Variants in ERCC6L2 observed in about 807,000 individuals in gnomAD.
The protein encoded by ERCC6L2 is DNA excision repair protein ERCC-6-like 2.
Under a neutral mutation model 132.0 loss-of-function variants are expected in ERCC6L2, and 77 were observed. That is an observed-to-expected ratio of 0.58 (90% CI 0.49 to 0.71). The LOEUF (loss-of-function observed/expected upper bound fraction) is 0.71, where lower values mean the gene tolerates loss of function less well. Ranked by LOEUF, ERCC6L2 falls within the 30% of genes least tolerant of loss-of-function variation. ERCC6L2 has a pLI of 0.00. For synonymous variants in ERCC6L2, 583 were observed against 632.4 expected (o/e 0.92, Z 1.17); for missense variants, 1,542 against 1,837.6 (o/e 0.84, Z 2.94).
intron 17 of ERCC6L2, among the ~76,000 whole-genome samples, chr9:95,979,922 T>C (rs1343828259): frequency 6.6e-6 from 1 of 152,158 alleles, no homozygotes; most frequent in Admixed American, 6.5e-5. Context: ...TAAAACCATG[T>C]CCTTCTCCAT....
intron 17 of ERCC6L2, among the ~76,000 whole-genome samples, chr9:95,990,292 A>T (rs534479127): frequency 6.6e-6 from 1 of 152,282 alleles, no homozygotes; most frequent in East Asian, 1.9e-4. Flanking sequence ...GGTGAAGCCC[A>T]CTCTTGATTA....
At chr9:95,940,282 G>A (rs1263791572) in intron 11 of ERCC6L2, among the ~76,000 whole-genome samples, 2 of 152,080 alleles carry the variant, frequency 1.3e-5, no homozygotes, top group Non-Finnish European at 2.9e-5. Flanking sequence ...ACATTTTTCT[G>A]CCTTTCAAGG....
chr9:95,990,435 C>T (rs1356954769), intron 17 of ERCC6L2, among the ~76,000 whole-genome samples: 1 of 152,148 alleles, frequency 6.6e-6, no homozygotes, highest in Non-Finnish European at 1.5e-5. Context: ...GAGGGGGGGT[C>T]CATCTTTTCA....
At chr9:96,020,615 G>A (rs965539250), downstream of ERCC6L2, 1 of 377,820 alleles carries the variant, frequency 2.6e-6, no homozygotes. Context: ...CCCCTAGGTG[G>A]ACGCTAAGGG....
chr9:96,040,813 G>A (rs1402038788), intron 20 of ERCC6L2, among the ~76,000 whole-genome samples: 8 of 152,328 alleles, frequency 5.3e-5, no homozygotes, highest in South Asian at 2.1e-4. Flanking sequence ...GCGTGCCCTC[G>A]GCCATCAGTT....
chr9:95,993,198 C>G (rs370629700), intron 17 of ERCC6L2, among the ~76,000 whole-genome samples: 1 of 152,166 alleles, frequency 6.6e-6, no homozygotes. Context: ...CAGAAAGGTA[C>G]AGAATCTCCC....
At chr9:95,995,303 C>G (rs1833435056) in intron 17 of ERCC6L2, among the ~76,000 whole-genome samples, 1 of 152,164 alleles carries the variant, frequency 6.6e-6, no homozygotes, top group Non-Finnish European at 1.5e-5. Flanking sequence ...ACAGAATACA[C>G]TTTTGGTTCA....
chr9:95,879,278 A>G (rs1587831199), intron 1 of ERCC6L2, among the ~76,000 whole-genome samples: 1 of 152,226 alleles, frequency 6.6e-6, no homozygotes, highest in South Asian at 2.1e-4. Context: ...ATGCAGGAAG[A>G]CTATTAGTCA....
At chr9:95,990,046 A>G (rs1190978750) in intron 17 of ERCC6L2, among the ~76,000 whole-genome samples, 2 of 152,348 alleles carry the variant, frequency 1.3e-5, no homozygotes. Flanking sequence ...GGTTAAGAAC[A>G]AGTCATGAAG....
At chr9:95,988,144 A>G (rs941393895) in intron 17 of ERCC6L2, among the ~76,000 whole-genome samples, 1 of 152,256 alleles carries the variant, frequency 6.6e-6, no homozygotes, top group African/African-American at 2.4e-5. Flanking sequence ...GGTCTCTGAC[A>G]TACCCTGGAG....
chr9:95,888,532 T>G (rs1319041790), intron 2 of ERCC6L2, among the ~76,000 whole-genome samples: 1 of 152,208 alleles, frequency 6.6e-6, no homozygotes, highest in Non-Finnish European at 1.5e-5. Flanking sequence ...TGCAGATAAG[T>G]TTTGTAAACC....
chr9:96,023,062 T>C (rs1024565189), downstream of ERCC6L2, among the ~76,000 whole-genome samples: 2 of 152,178 alleles, frequency 1.3e-5, no homozygotes, highest in Admixed American at 1.3e-4. Flanking sequence ...CAATAATTGT[T>C]GGTTGGTGAG....
intron 19 of ERCC6L2, among the ~76,000 whole-genome samples, chr9:96,023,645 C>T (rs1345365413): frequency 6.6e-6 from 1 of 152,208 alleles, no homozygotes; most frequent in East Asian, 1.9e-4. Context: ...CTCAGCACTG[C>T]GCTCCTCCAG....
Position 95,944,779 on chromosome 9 carries a change from C to CG in ERCC6L2, c.1847+3232dup, listed in dbSNP as rs529918726. Reference sequence around the variant, plus strand: ...GGTGTCTGGGGGAGACATCACATGTCGGCAGGTTCCGTGATGCCCCCTGAG... The same window carrying CG: ...GGTGTCTGGGGGAGACATCACATGTCGGGCAGGTTCCGTGATGCCCCCTGAG... On this transcript the variant is annotated intron_variant, in intron 12 of 18. Coordinates refer to ENST00000653738, the MANE Select transcript of ERCC6L2 (RefSeq NM_020207.7). Among the ~76,000 whole-genome samples, 36 of 152,106 alleles carry CG rather than the reference C, an allele frequency of 2.4e-4. No individual in the cohort carries two copies. The East Asian group carries it at 7.0e-3, about 29-fold the overall frequency.
intron 3 of ERCC6L2, among the ~76,000 whole-genome samples, chr9:95,903,749 A>T (rs1828893367): frequency 6.6e-6 from 1 of 152,122 alleles, no homozygotes; most frequent in African/African-American, 2.4e-5. Context: ...GTTGAAACAA[A>T]GGTTTCACAT....
intron 20 of ERCC6L2, among the ~76,000 whole-genome samples, chr9:96,039,177 T>C (rs868231186): frequency 2.2e-4 from 34 of 152,306 alleles, no homozygotes; most frequent in African/African-American, 8.2e-4. Flanking sequence ...TTTGGGGTGA[T>C]TCGTTAGCAG....
In ERCC6L2 at chr9:96,012,301, A is replaced by G. The variant is rs1295681737; in HGVS notation, c.3751A>G (p.Thr1251Ala). ...ATTTGCTAAACATATAACCAATGCC[A>G]CATCAGAAGAACGACAGAAAATGCT... ...NEFAKHITNA[T>A]SEERQKMLRD... Residue 1251 changes from threonine to alanine, a missense_variant, in exon 19 of 19, where the codon ACA becomes GCA. By Grantham distance (58) the Thr-to-Ala change is moderately conservative. This residue lies in a region of ERCC6L2 where 442 missense variants were observed against 583.4 expected (regional missense o/e 0.76). Coordinates refer to ENST00000653738, the MANE Select transcript of ERCC6L2 (RefSeq NM_020207.7). The G allele has an allele frequency of 7.4e-7, 1 of 1,353,214 alleles. No individual in the cohort carries two copies. Among genetic ancestry groups the G allele is most frequent in the Non-Finnish European group, 9.9e-7 (1 of 1,011,514 alleles). The allele number at this position is 1,353,214 out of a possible 1,614,324, so 83.8% of individuals were successfully genotyped here.
intron 6 of ERCC6L2, among the ~76,000 whole-genome samples, chr9:95,919,797 A>G (rs1173123456): frequency 6.6e-6 from 1 of 152,242 alleles, no homozygotes; most frequent in Non-Finnish European, 1.5e-5. Context: ...ATGAGAGGCA[A>G]AAAAGGTGAA....
intron 9 of ERCC6L2, among the ~76,000 whole-genome samples, chr9:95,927,761 G>A (rs1830163807): frequency 6.6e-6 from 1 of 152,098 alleles, no homozygotes; most frequent in African/African-American, 2.4e-5. Context: ...TAAAGAAAGT[G>A]TATTTTGGAA....
Sources: gnomAD v4.1 joint callset for allele counts (sites outside exome capture counted in the v4.1 genomes callset) on GRCh38, gnomAD v4.1.1 for gene constraint, gnomAD v4.1.1 regional missense constraint, MANE v1.5 for transcripts, NCBI Gene and HGNC (gene_info 2026-07-23, HGNC 2026-07-21) for gene names.